The following CDH23 variants were observed in gnomAD, a reference collection of about 807,000 sequenced individuals.
CDH23 encodes the protein cadherin-23.
In CDH23, 189 loss-of-function variants were observed where a neutral mutation model predicts 317.1. That is an observed-to-expected ratio of 0.60 (90% CI 0.53 to 0.67). CDH23 has a LOEUF of 0.67. CDH23 is among the 30% of genes least tolerant of loss of function. The pLI is 0.00. For synonymous variants in CDH23, 1,839 were observed against 1,876.8 expected (o/e 0.98, Z 0.52); for missense variants, 4,401 against 4,592.4 (o/e 0.96, Z 1.20).
At chr10:71,649,767 T>C (rs952503961) in intron 14 of CDH23, among the ~76,000 whole-genome samples, 4 of 152,118 alleles carry the variant, frequency 2.6e-5, no homozygotes, top group African/African-American at 9.7e-5. Context: ...TTGAAAAAAA[T>C]GTTGTATGCA....
chr10:71,440,491 A>T (rs1425695116), intron 2 of CDH23, among the ~76,000 whole-genome samples: 1 of 152,180 alleles, frequency 6.6e-6, no homozygotes, highest in Non-Finnish European at 1.5e-5. Context: ...TCAGCATTTG[A>T]TCTGGGCTGT....
At chr10:71,732,530 G>T in intron 32 of CDH23, 155 bp downstream of exon 32, 1 of 1,337,268 alleles carries the variant, frequency 7.5e-7, no homozygotes, top group Non-Finnish European at 1.0e-6. Flanking sequence ...TGCTTGAGAG[G>T]CTGGGGCAGG....
At chr10:71,792,918 A>G (rs932519957) in intron 47 of CDH23, among the ~76,000 whole-genome samples, 8 of 147,834 alleles carry the variant, frequency 5.4e-5, no homozygotes, top group African/African-American at 1.5e-4. Context: ...TAATTGACAG[A>G]AAAATGGACA....
chr10:71,510,335 C>A, intron 4 of CDH23, 111 bp downstream of exon 4: 1 of 1,214,470 alleles, frequency 8.2e-7, no homozygotes, highest in Non-Finnish European at 1.2e-6. Context: ...CCCATTCTGA[C>A]TCCACAGTGG....
At chr10:71,594,498 C>T (rs1208403250) in intron 9 of CDH23, among the ~76,000 whole-genome samples, 18 of 152,122 alleles carry the variant, frequency 1.2e-4, no homozygotes, top group East Asian at 5.8e-4. Context: ...CTCAGCCTCC[C>T]GAGTAGCTGG....
At chr10:71,656,460 A>C (rs913626148) in intron 14 of CDH23, among the ~76,000 whole-genome samples, 2 of 152,200 alleles carry the variant, frequency 1.3e-5, no homozygotes, top group African/African-American at 4.8e-5. Flanking sequence ...TCCAGCGACT[A>C]TTTAAGGCCT....
In CDH23 at chr10:71,504,725, C is replaced by T. The variant is rs529697034; in HGVS notation, c.146-5357C>T. 5.9e-5 allele frequency among the ~76,000 whole-genome samples: 9 copies of T among 152,250 alleles called. No individual in the cohort carries two copies. The East Asian group carries it at 7.7e-4, about 13-fold the overall frequency. On this transcript the variant is annotated intron_variant, in intron 3 of 69. Transcript: ENST00000224721. The stretch of plus-strand genomic sequence containing the variant: ...ACTGGGCCTTTCAGTCATCCTGGGA[C>T]GGGTGGAGCTTTTCTCTGCATCTAA...
chr10:71,771,255 C>T (rs1840677186), intron 38 of CDH23, among the ~76,000 whole-genome samples: 1 of 152,204 alleles, frequency 6.6e-6, no homozygotes, highest in African/African-American at 2.4e-5. Flanking sequence ...CCATCTCACC[C>T]TGAGTCAGGC....
chr10:71,695,872 C>A (rs1045114470), intron 22 of CDH23, among the ~76,000 whole-genome samples: 1 of 152,188 alleles, frequency 6.6e-6, no homozygotes, highest in African/African-American at 2.4e-5. Context: ...AGAGCTCCCA[C>A]CCCTACACTG....
At chr10:71,667,064 A>C (rs1201132782) in intron 14 of CDH23, among the ~76,000 whole-genome samples, 2 of 151,712 alleles carry the variant, frequency 1.3e-5, no homozygotes, top group African/African-American at 2.4e-5. Context: ...TGAGAGCAGA[A>C]CTCCTCACCG....
At chr10:71,479,932 T>C (rs1182877109) in intron 3 of CDH23, among the ~76,000 whole-genome samples, 3 of 152,106 alleles carry the variant, frequency 2.0e-5, no homozygotes, top group Non-Finnish European at 4.4e-5. Flanking sequence ...CTTCACACAG[T>C]CAAGGCTCAC....
chr10:71,663,207 T>G (rs1468969316), intron 14 of CDH23, among the ~76,000 whole-genome samples: 1 of 152,200 alleles, frequency 6.6e-6, no homozygotes, highest in Non-Finnish European at 1.5e-5. Context: ...TACACACCCT[T>G]GAAGGTGTCT....
intron 49 of CDH23, among the ~76,000 whole-genome samples, chr10:71,797,908 G>A (rs767262868): frequency 2.0e-5 from 3 of 152,096 alleles, no homozygotes; most frequent in Non-Finnish European, 4.4e-5. Flanking sequence ...AGCCAGGCCT[G>A]GCAGATGATG....
chr10:71,807,871 C>T lies in CDH23; in HGVS notation c.8586C>T (p.Gly2862=), dbSNP rs1183708860. 1 of 1,604,152 alleles carries T rather than the reference C, an allele frequency of 6.2e-7. No individual in the cohort carries two copies. The highest frequency in any genetic ancestry group is 8.5e-7 in the Non-Finnish European group (1 of 1,175,302). Residue 2862 remains glycine, a synonymous_variant, in exon 60 of 70, where the codon GGC becomes GGT. Coordinates refer to ENST00000224721, the MANE Select transcript of CDH23 (RefSeq NM_022124.6). The stretch of plus-strand genomic sequence containing the variant: ...GGGTGGCCACCGACGCCAAGGTGGG[C>T]TCAGAGTTGATCCAGGTGCTGGCCC... ...TAGVATDAKV[G]SELIQVLALD...
At chr10:71,646,338 C>A in intron 13 of CDH23, 121 bp from the exon 14 acceptor site, 1 of 1,460,086 alleles carries the variant, frequency 6.8e-7, no homozygotes, top group Admixed American at 1.9e-5. Context: ...CTGGGATGGG[C>A]AGAGACTCTA....
At chr10:71,672,295 G>A (rs1457685920) in intron 14 of CDH23, among the ~76,000 whole-genome samples, 3 of 152,088 alleles carry the variant, frequency 2.0e-5, no homozygotes, top group African/African-American at 7.2e-5. Context: ...AATGTGTGTA[G>A]GAGGGGAGGG....
intron 45 of CDH23, among the ~76,000 whole-genome samples, chr10:71,789,563 C>T (rs1253076459): frequency 6.6e-6 from 1 of 152,198 alleles, no homozygotes; most frequent in Non-Finnish European, 1.5e-5. Context: ...GTGGCACCTG[C>T]ACTCCTCCAG....
chr10:71,529,752 G>T (rs958425009), intron 6 of CDH23, among the ~76,000 whole-genome samples: 3 of 152,018 alleles, frequency 2.0e-5, no homozygotes, highest in Non-Finnish European at 4.4e-5. Context: ...CACCTGGCTG[G>T]GTGGCTCCCG....
intron 8 of CDH23, among the ~76,000 whole-genome samples, chr10:71,573,295 C>T (rs1242193699): frequency 2.6e-5 from 4 of 152,060 alleles, no homozygotes; most frequent in African/African-American, 9.7e-5. Flanking sequence ...CCCCTGAGAC[C>T]CCTAGGTTGT....
Sources: allele counts gnomAD v4.1 joint callset (sites outside exome capture counted in the v4.1 genomes callset), GRCh38; gene constraint gnomAD v4.1.1; transcripts MANE v1.5; gene names NCBI Gene and HGNC (gene_info 2026-07-23, HGNC 2026-07-21).